IGSF6: variants seen among roughly 807,000 people sequenced by gnomAD.
The protein encoded by IGSF6 is down-regulated by activation (immunoglobulin superfamily).
In IGSF6, 23 loss-of-function variants were observed where a neutral mutation model predicts 24.7. The observed-to-expected ratio is 0.93, with a 90% confidence interval of 0.67 to 1.32. IGSF6 has a LOEUF of 1.32. Ranked by LOEUF, IGSF6 falls within the 40% of genes most tolerant of loss-of-function variation. IGSF6 has a pLI of 0.00. For synonymous variants in IGSF6, 110 were observed against 113.7 expected (o/e 0.97, Z 0.21); for missense variants, 295 against 293.6 (o/e 1.00, Z -0.04).
In IGSF6 at chr16:21,641,511, CTT is replaced by C. The variant is rs779729579; in HGVS notation, c.*21_*22del. 10 of 1,481,480 alleles carry C rather than the reference CTT, an allele frequency of 6.8e-6. No homozygotes were observed. The highest frequency in any genetic ancestry group is 9.4e-6 in the Non-Finnish European group (10 of 1,068,066). The allele number at this position is 1,481,480 out of a possible 1,614,324, so 91.8% of individuals were successfully genotyped here. ...GCTCCTGGAGTTGGATTTTCAGTGA[CTT>C]CATTGAAAATTAAAACGTTTCTATG... On this transcript the variant is annotated 3_prime_UTR_variant, in exon 6 of 6. Transcript: ENST00000268389.
chr16:21,643,585 G>A lies in IGSF6; in HGVS notation c.548C>T (p.Pro183Leu), dbSNP rs938325492. 49 of 1,606,734 alleles carry A rather than the reference G, an allele frequency of 3.0e-5. 1 individual carries two copies. In the Admixed American group the frequency reaches 6.2e-4, roughly 20 times the overall value. The change falls in exon 4 of 6, where the codon CCT (proline) becomes CTT (leucine). Residue 183 changes from proline to leucine, a missense_variant. Transcript: ENST00000268389. ...TTCTTTTATTTCTTTGTTTCTTAGAGGGTTGGATTTTGACTGCCAAGAAGA... is the reference window on the plus strand; with the variant it reads ...TTCTTTTATTTCTTTGTTTCTTAGAAGGTTGGATTTTGACTGCCAAGAAGA... ...FILLSKSKSN[P>L]LRNKEIKEDS...
intron 5 of IGSF6, among the ~76,000 whole-genome samples, chr16:21,642,795 A>G (rs1055398485): frequency 6.6e-6 from 1 of 152,172 alleles, no homozygotes; most frequent in Middle Eastern, 3.2e-3. Flanking sequence ...ATCCTTTTAA[A>G]GCATCATTGT....
chr16:21,648,327 A>G (rs1476205060), intron 1 of IGSF6, among the ~76,000 whole-genome samples: 3 of 152,182 alleles, frequency 2.0e-5, no homozygotes, highest in Admixed American at 6.5e-5. Context: ...CCTCATTAGA[A>G]AATGGGGATA....
Position 21,647,534 on chromosome 16 carries a change from C to T in IGSF6, c.68-42G>A, listed in dbSNP as rs747567297. The T allele has an allele frequency of 3.2e-6, 5 of 1,566,296 alleles. No individual in the cohort carries two copies. The East Asian group carries it at 9.0e-5, about 28-fold the overall frequency. ...ATGAGTGGGTTAATGGGCCTGCCAC[C>T]TCACTTTGTGCTTTTATTATATTTT... On this transcript the variant is annotated intron_variant, in intron 1 of 5. Transcript: ENST00000268389.
chr16:21,644,261 G>A (rs1966359327), intron 3 of IGSF6, 29 bp downstream of exon 3: 1 of 1,408,890 alleles, frequency 7.1e-7, no homozygotes, highest in South Asian at 1.1e-5. Context: ...AGGATATAGG[G>A]ACATTCCATG....
chr16:21,650,743 A>T (rs757386271), intron 1 of IGSF6, among the ~76,000 whole-genome samples: 1 of 152,134 alleles, frequency 6.6e-6, no homozygotes. Flanking sequence ...TCCCCCAACC[A>T]GTTAGGCAAC....
intron 4 of IGSF6, 150 bp downstream of exon 4, chr16:21,643,398 C>A: frequency 1.6e-6 from 1 of 629,064 alleles, no homozygotes; most frequent in East Asian, 2.7e-5. Flanking sequence ...AGTTTCTCAA[C>A]AATAGGAAAT....
intron 1 of IGSF6, among the ~76,000 whole-genome samples, chr16:21,648,510 G>C (rs1441545198): frequency 6.6e-6 from 1 of 152,180 alleles, no homozygotes; most frequent in South Asian, 2.1e-4. Context: ...TGGACGTCTA[G>C]CCACAAGGTG....
In IGSF6 at chr16:21,647,234, G is replaced by T; in HGVS notation, c.326C>A (p.Thr109Asn). 6.2e-7 allele frequency: 1 copy of T among 1,614,156 alleles called. No homozygotes were observed. Among genetic ancestry groups the T allele is most frequent in the Non-Finnish European group, 8.5e-7 (1 of 1,180,014 alleles). ...GATGTAAATTGCACTGTCATTTGAAGTCACTCTGTTTACAGTGAGGGAAAC... is the reference window on the plus strand; with the variant it reads ...GATGTAAATTGCACTGTCATTTGAATTCACTCTGTTTACAGTGAGGGAAAC... ...NQVSLTVNRVTSNDSAIYICG... is the reference protein window; with the variant it reads ...NQVSLTVNRVNSNDSAIYICG... Residue 109 changes from threonine (T) to asparagine (N), a missense_variant, in exon 2 of 6, where the codon ACT becomes AAT. Coordinates refer to ENST00000268389, the MANE Select transcript of IGSF6 (RefSeq NM_005849.4).
intron 3 of IGSF6, 69 bp downstream of exon 3, chr16:21,644,219 GAT>G (rs1469213242): frequency 9.0e-6 from 10 of 1,115,824 alleles, no homozygotes; most frequent in Non-Finnish European, 1.2e-5. Flanking sequence ...CTTGTGGAGA[GAT>G]AGAAATTATT....
At chr16:21,646,026 T>C (rs1217557482) in intron 2 of IGSF6, among the ~76,000 whole-genome samples, 2 of 152,146 alleles carry the variant, frequency 1.3e-5, no homozygotes, top group Non-Finnish European at 2.9e-5. Flanking sequence ...TGATTTTGAG[T>C]TCATGTTTTA....
chr16:21,646,519 A>G (rs558955743), intron 2 of IGSF6: 48 of 162,336 alleles, frequency 3.0e-4, no homozygotes, highest in Non-Finnish European at 4.6e-4. Flanking sequence ...TTCCCTTTGG[A>G]CATGGTACTT....
chr16:21,649,087 T>A (rs894986528), intron 1 of IGSF6, among the ~76,000 whole-genome samples: 3 of 152,020 alleles, frequency 2.0e-5, no homozygotes, highest in Admixed American at 1.3e-4. Flanking sequence ...ACCTCCCAGG[T>A]TCAAGCCATC....
rs1020440646 is a variant in IGSF6 at position 21,640,401 on chromosome 16, T to G, written c.*1133A>C. ...CTTAGTGAAGTGGTAATGAATTCCA[T>G]AAATATCCTTGTACCATGCCTCCTA... is the stretch of plus-strand genomic sequence containing the variant. On this transcript the variant is annotated 3_prime_UTR_variant, in exon 6 of 6. Coordinates refer to ENST00000268389, the MANE Select transcript of IGSF6 (RefSeq NM_005849.4). 1 of 151,878 alleles carries G rather than the reference T, an allele frequency of 6.6e-6. No homozygotes were observed. The highest frequency in any genetic ancestry group is 1.5e-5 in the Non-Finnish European group (1 of 67,988). The allele number at this position is 151,878 out of a possible 1,614,324, so 9.4% of individuals were successfully genotyped here.
At chr16:21,646,179 C>T (rs1477562984) in intron 2 of IGSF6, among the ~76,000 whole-genome samples, 2 of 150,656 alleles carry the variant, frequency 1.3e-5, no homozygotes, top group Non-Finnish European at 2.9e-5. Context: ...TCGGGAATGT[C>T]TTAATCTCAG....
intron 1 of IGSF6, among the ~76,000 whole-genome samples, chr16:21,650,440 G>A (rs1966538863): frequency 6.6e-6 from 1 of 150,376 alleles, no homozygotes; most frequent in Non-Finnish European, 1.5e-5. Flanking sequence ...CGTAGGAGGT[G>A]GAGGTTGCAG....
chr16:21,652,068 A>G (rs560492716), intron 1 of IGSF6: 1 of 152,358 alleles, frequency 6.6e-6, no homozygotes, highest in East Asian at 1.9e-4. Flanking sequence ...AGATAAAAAA[A>G]CAGAAGTAGA....
chr16:21,647,526 C>T, intron 1 of IGSF6, 34 bp from the exon 2 acceptor site: 1 of 1,571,896 alleles, frequency 6.4e-7, no homozygotes, highest in African/African-American at 1.4e-5. Context: ...GGTTAATGGG[C>T]CTGCCACCTC....
intron 5 of IGSF6, chr16:21,642,486 G>GT (rs1966297956): frequency 6.6e-6 from 1 of 152,126 alleles, no homozygotes; most frequent in Non-Finnish European, 1.5e-5. Context: ...TGGAAACAAA[G>GT]TATCTGTTCT....
Sources: allele counts gnomAD v4.1 joint callset (sites outside exome capture counted in the v4.1 genomes callset), GRCh38; gene constraint gnomAD v4.1.1; transcripts MANE v1.5; gene names NCBI Gene and HGNC (gene_info 2026-07-23, HGNC 2026-07-21).